Variants in EFL1 observed in about 807,000 individuals in gnomAD.
EFL1 encodes the protein elongation factor like GTPase 1, also known as elongation factor-like GTPase 1.
Under a neutral mutation model 126.7 loss-of-function variants are expected in EFL1, and 76 were observed. That is an observed-to-expected ratio of 0.60 (90% confidence interval 0.50 to 0.73). EFL1 has a LOEUF of 0.73. Ranked by LOEUF, EFL1 falls within the 30% of genes least tolerant of loss-of-function variation. EFL1 has a pLI of 0.00. For synonymous variants in EFL1, 410 were observed against 448.4 expected (o/e 0.91, Z 1.08); for missense variants, 1,128 against 1,343.2 (o/e 0.84, Z 2.50).
rs1567036563 is a variant in EFL1, at chr15:82,138,426, GTGT to G, written c.3174+229_3174+231del. On this transcript the variant is annotated intron_variant, in intron 19 of 19. Transcript: ENST00000268206. ...GACAAATGAGAGAGAGAGAGAGAGA[GTGT>G]ATGTGTGTGTGTGTGTGTGTGTGTG... Among the ~76,000 whole-genome samples the G allele has an allele frequency of 5.5e-4, 17 of 30,754 alleles. No individual in the cohort carries two copies. The Middle Eastern group carries it at 0.031, about 57-fold the overall frequency. The allele number at this position is 30,754 out of a possible 152,430, so 20.2% of individuals were successfully genotyped here.
At chr15:82,144,698 T>C (rs956044164) in intron 18 of EFL1, among the ~76,000 whole-genome samples, 1 of 152,028 alleles carries the variant, frequency 6.6e-6, no homozygotes, top group Admixed American at 6.5e-5. Context: ...AAGTATAGAA[T>C]AAGAAAAGGT....
chr15:82,173,621 T>C (rs1473107382), intron 15 of EFL1, among the ~76,000 whole-genome samples: 2 of 152,252 alleles, frequency 1.3e-5, no homozygotes, highest in African/African-American at 4.8e-5. Context: ...GCAAATATTC[T>C]ATAATTAACT....
rs562538195 is a variant in EFL1, at chr15:82,204,312, C to T, written c.1750+10405G>A. ...TGCCACTACTCAAAATTCATACTTA[C>T]TGTTATAACTGAAAATCACCTTTCC... On this transcript the variant is annotated intron_variant, in intron 15 of 19. Transcript: ENST00000268206. Among the ~76,000 whole-genome samples the T allele has an allele frequency of 3.3e-5, 5 of 152,164 alleles. No homozygotes were observed. The East Asian group carries it at 9.6e-4, about 29-fold the overall frequency.
At chr15:82,233,612 G>T (rs2074844575) in intron 7 of EFL1, 2 of 152,148 alleles carry the variant, frequency 1.3e-5, no homozygotes, top group Admixed American at 1.3e-4. Context: ...CTATAAGGTT[G>T]AGGACTCAGT....
chr15:82,204,233 T>C (rs1165067721), intron 15 of EFL1, among the ~76,000 whole-genome samples: 1 of 152,174 alleles, frequency 6.6e-6, no homozygotes, highest in East Asian at 1.9e-4. Context: ...CTCCTAATCA[T>C]ATACTTTACA....
rs2141228183 is a variant in EFL1, at chr15:82,151,693, A to T, written c.2761T>A (p.Cys921Ser). The stretch of plus-strand genomic sequence containing the variant: ...TCTTGGTTTTCATTTCCACCAGAAC[A>T]GGTTTCATTTTCCTCCTGTCCCTCT... ...AKEGQEENET[C>S]SGGNENQELQ... The change falls in exon 18 of 20, where the codon TGT becomes AGT. Residue 921 changes from cysteine to serine, a missense_variant. Cys to Ser is a moderately radical substitution (Grantham distance 112, BLOSUM62 -1). Coordinates refer to ENST00000268206, the MANE Select transcript of EFL1 (RefSeq NM_024580.6). 3 of 1,614,168 alleles carry T rather than the reference A, an allele frequency of 1.9e-6. No individual in the cohort carries two copies. In the East Asian group the frequency reaches 6.7e-5, roughly 36 times the overall value.
chr15:82,191,939 CT>C (rs2074364289), intron 15 of EFL1, among the ~76,000 whole-genome samples: 2 of 152,116 alleles, frequency 1.3e-5, no homozygotes, highest in African/African-American at 4.8e-5. Flanking sequence ...AAATCTTAGA[CT>C]CTAAAACACA....
Position 82,170,341 on chromosome 15 carries a change from C to T in EFL1, c.1751-6357G>A, listed in dbSNP as rs577393751. On this transcript the variant is annotated intron_variant, in intron 15 of 19. Transcript: ENST00000268206. ...GTTTTAGCCAGGATGGTCTCGATCT[C>T]CTGACCTCGTGATCCGCCCGCCTCG... is the stretch of plus-strand genomic sequence containing the variant. Among the ~76,000 whole-genome samples the T allele has an allele frequency of 3.3e-5, 5 of 151,964 alleles. No individual in the cohort carries two copies. In the South Asian group the frequency reaches 1.0e-3, roughly 32 times the overall value.
chr15:82,231,830 G>C (rs561016526), intron 7 of EFL1, among the ~76,000 whole-genome samples: 1 of 152,270 alleles, frequency 6.6e-6, no homozygotes, highest in East Asian at 1.9e-4. Flanking sequence ...ATGAAGACAA[G>C]GTGAAAGGCT....
chr15:82,210,063 A>T (rs546157416), intron 15 of EFL1, among the ~76,000 whole-genome samples: 1 of 152,236 alleles, frequency 6.6e-6, no homozygotes, highest in Non-Finnish European at 1.5e-5. Context: ...ACTTTTTCTC[A>T]AAGTTTAACA....
chr15:82,163,616 T>C (rs973888354), intron 16 of EFL1, among the ~76,000 whole-genome samples: 1 of 152,216 alleles, frequency 6.6e-6, no homozygotes, highest in Non-Finnish European at 1.5e-5. Context: ...GATGTAGAGA[T>C]GACCTTGTCT....
intron 15 of EFL1, among the ~76,000 whole-genome samples, chr15:82,202,777 C>A (rs953093594): frequency 6.6e-6 from 1 of 151,994 alleles, no homozygotes; most frequent in Non-Finnish European, 1.5e-5. Context: ...AAGACACCAC[C>A]AGCAAACTCA....
rs944240959 is a variant in EFL1 at position 82,190,408 on chromosome 15, A to C, written c.1750+24309T>G. On this transcript the variant is annotated intron_variant, in intron 15 of 19. Transcript: ENST00000268206. ...TGTACAAGAAGTCTGTTTCAGACAG[A>C]AATATCACTTTTGTCGGTCAAATTG... Among the ~76,000 whole-genome samples, 3 of 152,314 alleles carry C rather than the reference A, an allele frequency of 2.0e-5. No individual in the cohort carries two copies. The South Asian group carries it at 6.2e-4, about 32-fold the overall frequency.
chr15:82,227,361 A>C, intron 11 of EFL1, 89 bp downstream of exon 11: 1 of 1,592,494 alleles, frequency 6.3e-7, no homozygotes, highest in Non-Finnish European at 8.6e-7. Flanking sequence ...GCCATTTAGC[A>C]AACTAGCGTT....
intron 15 of EFL1, among the ~76,000 whole-genome samples, chr15:82,210,957 T>C (rs1482065310): frequency 1.1e-4 from 16 of 151,070 alleles, no homozygotes; most frequent in Non-Finnish European, 1.9e-4. Flanking sequence ...ATAAGAACCA[T>C]CTTTATTTTA....
intron 3 of EFL1, among the ~76,000 whole-genome samples, chr15:82,256,819 G>A (rs919739620): frequency 6.6e-6 from 1 of 152,074 alleles, no homozygotes; most frequent in African/African-American, 2.4e-5. Flanking sequence ...GGATAAACTC[G>A]ATTTGGATAT....
At chr15:82,227,716 T>A in intron 10 of EFL1, 144 bp from the exon 11 acceptor site, 10 of 1,107,582 alleles carry the variant, frequency 9.0e-6, no homozygotes, top group Non-Finnish European at 1.3e-5. Context: ...GCTTTATGCA[T>A]CACATCTCAA....
intron 8 of EFL1, among the ~76,000 whole-genome samples, chr15:82,229,841 C>A (rs1163066345): frequency 6.6e-6 from 1 of 152,126 alleles, no homozygotes; most frequent in Non-Finnish European, 1.5e-5. Context: ...AGTGCTCTCA[C>A]AAAATAAAAT....
At chr15:82,197,832 A>C (rs1049770197) in intron 15 of EFL1, among the ~76,000 whole-genome samples, 1 of 152,190 alleles carries the variant, frequency 6.6e-6, no homozygotes, top group African/African-American at 2.4e-5. Context: ...TTAATGATTC[A>C]GTCATCTCTA....
Sources: allele counts gnomAD v4.1 joint callset (sites outside exome capture counted in the v4.1 genomes callset), GRCh38; gene constraint gnomAD v4.1.1; transcripts MANE v1.5; gene names NCBI Gene and HGNC (gene_info 2026-07-23, HGNC 2026-07-21).